The following RBFOX3 variants were observed in gnomAD, a reference collection of about 807,000 sequenced individuals.
The protein encoded by RBFOX3 is RNA binding fox-1 homolog 3, also known as RNA binding protein fox-1 homolog 3.
In RBFOX3, 17 loss-of-function variants were observed where a neutral mutation model predicts 48.7. The observed-to-expected ratio is 0.35, with a 90% CI of 0.24 to 0.52. The LOEUF is 0.52. Ranked by LOEUF, RBFOX3 falls within the 20% of genes least tolerant of loss-of-function variation. The pLI is 0.94. For synonymous variants in RBFOX3, 212 were observed against 209.5 expected, an observed-to-expected ratio of 1.01 and a Z score of -0.10; for missense variants, 382 against 497.5, an observed-to-expected ratio of 0.77 and a Z score of 2.21.
At chr17:79,216,975 G>A (rs2059139434) in intron 4 of RBFOX3, among the ~76,000 whole-genome samples, 1 of 152,274 alleles carries the variant, frequency 6.6e-6, no homozygotes, top group Admixed American at 6.5e-5. Flanking sequence ...CCTCCAGGGG[G>A]TATCCCCAGG....
chr17:79,449,061 G>A (rs2072939892), intron 2 of RBFOX3, among the ~76,000 whole-genome samples: 1 of 152,066 alleles, frequency 6.6e-6, no homozygotes, highest in Non-Finnish European at 1.5e-5. Context: ...GGGGTGCACA[G>A]GTATTAGTCA....
At chr17:79,545,286 G>A (rs561684285) in intron 1 of RBFOX3, among the ~76,000 whole-genome samples, 1 of 152,322 alleles carries the variant, frequency 6.6e-6, no homozygotes, top group Admixed American at 6.5e-5. Context: ...TGCTAGAGGA[G>A]CACGTCTACC....
chr17:79,500,504 G>C (rs1376043024), intron 1 of RBFOX3, among the ~76,000 whole-genome samples: 2 of 151,998 alleles, frequency 1.3e-5, no homozygotes, highest in Non-Finnish European at 2.9e-5. Context: ...TGATCCTCCC[G>C]CCTTGGCCTC....
At chr17:79,496,043 A>T (rs1339852902) in intron 1 of RBFOX3, among the ~76,000 whole-genome samples, 1 of 152,024 alleles carries the variant, frequency 6.6e-6, no homozygotes, top group Non-Finnish European at 1.5e-5. Context: ...GCTGTATGCC[A>T]CAAATGGAGG....
At chr17:79,506,728 G>A (rs1555778908) in intron 1 of RBFOX3, among the ~76,000 whole-genome samples, 1 of 152,202 alleles carries the variant, frequency 6.6e-6, no homozygotes, top group Non-Finnish European at 1.5e-5. Context: ...GGTGGGCTCA[G>A]TGAGTCTGGA....
chr17:79,547,690 A>AG (rs2090635411), intron 1 of RBFOX3, among the ~76,000 whole-genome samples: 1 of 152,194 alleles, frequency 6.6e-6, no homozygotes, highest in African/African-American at 2.4e-5. Flanking sequence ...TACCACACCC[A>AG]GTCCAGGGGC....
chr17:79,398,385 A>G (rs996063393), intron 2 of RBFOX3, among the ~76,000 whole-genome samples: 1 of 152,124 alleles, frequency 6.6e-6, no homozygotes, highest in African/African-American at 2.4e-5. Context: ...GTGGGGACCC[A>G]CTATGGGATG....
intron 1 of RBFOX3, among the ~76,000 whole-genome samples, chr17:79,498,721 C>T (rs2081953022): frequency 6.6e-6 from 1 of 150,986 alleles, no homozygotes; most frequent in African/African-American, 2.4e-5. Context: ...CATCCTTCCA[C>T]CCACCCCATC....
rs757896652 is a variant in RBFOX3 at position 79,311,883 on chromosome 17, C to T, written c.-174-4059G>A. On this transcript the variant is annotated intron_variant, in intron 2 of 14. Coordinates refer to ENST00000693108, the MANE Select transcript of RBFOX3 (RefSeq NM_001350451.2). This position sits in a 1 kb window ranked among gnomAD's most constrained non-coding sequence, Gnocchi z 4.2. Reference sequence around the variant, plus strand: ...GCATTCTCACGAACCTGGAACAAACCGGCCCTCCTGAATGTAAGGTCAGGC... The same window carrying T: ...GCATTCTCACGAACCTGGAACAAACTGGCCCTCCTGAATGTAAGGTCAGGC... Among the ~76,000 whole-genome samples, 19 of 152,242 alleles carry T rather than the reference C, an allele frequency of 1.2e-4. No homozygotes were observed. Among genetic ancestry groups the T allele is most frequent in the African/African-American group, 3.4e-4 (14 of 41,532 alleles).
intron 3 of RBFOX3, among the ~76,000 whole-genome samples, chr17:79,260,122 C>A (rs1378621072): frequency 6.6e-6 from 1 of 151,974 alleles, no homozygotes; most frequent in Non-Finnish European, 1.5e-5. Context: ...TACTGAGCAC[C>A]CCTGGGCCTG....
chr17:79,660,122 G>A, the RBFOX3 span, among the ~76,000 whole-genome samples: 16 of 152,266 alleles, frequency 1.1e-4, no homozygotes, highest in African/African-American at 3.6e-4. Flanking sequence ...GGAAGGCAGA[G>A]GTTGCAGTAA....
chr17:79,661,575 T>C, the RBFOX3 span, among the ~76,000 whole-genome samples: 5 of 152,216 alleles, frequency 3.3e-5, no homozygotes, highest in Non-Finnish European at 5.9e-5. Context: ...CATGCACACA[T>C]TTCAGTGCAT....
At chr17:79,489,340 G>T (rs1299671760) in intron 1 of RBFOX3, among the ~76,000 whole-genome samples, 1 of 151,534 alleles carries the variant, frequency 6.6e-6, no homozygotes, top group Non-Finnish European at 1.5e-5. Context: ...TGTCACCCAG[G>T]CTGGAGTGCA....
Position 79,096,733 on chromosome 17 carries a change from A to G in RBFOX3, c.856T>C (p.Ser286Pro). Residue 286 changes from serine (S) to proline (P), a missense_variant, in exon 12 of 15, where the codon TCT (serine) becomes CCT (proline). Physicochemically the swap from Ser to Pro is moderately conservative, Grantham distance 74 (BLOSUM62 -1). Coordinates refer to ENST00000693108, the MANE Select transcript of RBFOX3 (RefSeq NM_001350451.2). The part of the protein sequence containing the change: ...QQTPEPAYPT[S>P]PAFPPLSCPF... ...CAAGAAAGTGGTGGGAACGCTGGAG[A>G]GGTGGGGTAGGCCGGCTCCGGTGTC... The G allele has an allele frequency of 6.5e-7, 1 of 1,544,426 alleles. No individual in the cohort carries two copies. Among genetic ancestry groups the G allele is most frequent in the Non-Finnish European group, 8.8e-7 (1 of 1,140,556 alleles).
At chr17:79,411,647 C>A (rs2064361814) in intron 2 of RBFOX3, among the ~76,000 whole-genome samples, 1 of 152,218 alleles carries the variant, frequency 6.6e-6, no homozygotes, top group Non-Finnish European at 1.5e-5. Context: ...TGAGGCAGGA[C>A]CAGAGCCTCA....
At chr17:79,518,994 G>A (rs1002501192) in intron 1 of RBFOX3, among the ~76,000 whole-genome samples, 5 of 152,262 alleles carry the variant, frequency 3.3e-5, no homozygotes, top group Non-Finnish European at 5.9e-5. Flanking sequence ...CAGCCATCGC[G>A]GGAGACGCGT....
chr17:79,399,923 G>A (rs576189750), intron 2 of RBFOX3, among the ~76,000 whole-genome samples: 5 of 152,308 alleles, frequency 3.3e-5, no homozygotes, highest in South Asian at 2.1e-4. Context: ...TCTAGACATC[G>A]TTTCCCATCA....
chr17:79,470,909 G>C (rs1197445388), intron 2 of RBFOX3, among the ~76,000 whole-genome samples: 1 of 152,036 alleles, frequency 6.6e-6, no homozygotes, highest in Admixed American at 6.6e-5. Context: ...ATACCTCCAG[G>C]GAAATGCTGT....
intron 2 of RBFOX3, among the ~76,000 whole-genome samples, chr17:79,382,952 C>A (rs778963463): frequency 6.6e-6 from 1 of 151,484 alleles, no homozygotes; most frequent in Non-Finnish European, 1.5e-5. Flanking sequence ...ATTTTCTTAA[C>A]GATGGGCTTT....
Sources: gnomAD v4.1 joint callset for allele counts (sites outside exome capture counted in the v4.1 genomes callset) on GRCh38, gnomAD v4.1.1 for gene constraint, Gnocchi (gnomAD v3.1) non-coding constraint, MANE v1.5 for transcripts, NCBI Gene and HGNC (gene_info 2026-07-23, HGNC 2026-07-21) for gene names.